DNAJB14: variants seen among roughly 807,000 people sequenced by gnomAD.
DNAJB14 encodes the protein DnaJ heat shock protein family (Hsp40) member B14, also known as dnaJ homolog subfamily B member 14.
DNAJB14 carries 22 observed loss-of-function variants against 48.4 expected under a neutral mutation model. The observed-to-expected ratio is 0.45, with a 90% confidence interval of 0.32 to 0.65. The LOEUF (loss-of-function observed/expected upper bound fraction) is 0.65, where lower values mean the gene tolerates loss of function less well. Ranked by LOEUF, DNAJB14 falls within the 30% of genes least tolerant of loss-of-function variation. DNAJB14 has a pLI of 0.03. For synonymous variants in DNAJB14, 142 were observed against 158.7 expected (o/e 0.89, Z 0.79); for missense variants, 319 against 458.8 (o/e 0.70, Z 2.78).
In DNAJB14 at chr4:99,900,919, C is replaced by CAG; in HGVS notation, c.*107_*108dup. On this transcript the variant is annotated 3_prime_UTR_variant, in exon 8 of 8. Coordinates refer to ENST00000442697, the MANE Select transcript of DNAJB14 (RefSeq NM_001031723.4). ...TCCAAGATTTCAGGAACCAACTATT[C>CAG]AGTTTAGTTTTCAGTATCAAATCTT... 2.5e-6 allele frequency: 3 copies of CAG among 1,214,142 alleles called. No homozygotes were observed. The highest frequency in any genetic ancestry group is 3.4e-6 in the Non-Finnish European group (3 of 892,614). 75.2% of individuals were successfully genotyped at this position (1,214,142 alleles called of 1,614,324 possible).
chr4:99,911,877 C>G (rs552426261), intron 3 of DNAJB14, among the ~76,000 whole-genome samples: 1 of 151,474 alleles, frequency 6.6e-6, no homozygotes, highest in East Asian at 1.9e-4. Context: ...GCAGAGCAAG[C>G]TTAAAAAATC....
At chr4:99,939,104 G>A (rs1726795986) in intron 1 of DNAJB14, among the ~76,000 whole-genome samples, 1 of 152,236 alleles carries the variant, frequency 6.6e-6, no homozygotes, top group South Asian at 2.1e-4. Flanking sequence ...GCTCACGCCT[G>A]TAATCCCAGC....
chr4:99,909,916 G>A lies in DNAJB14; in HGVS notation c.452-1020C>T, dbSNP rs182434069. Among the ~76,000 whole-genome samples the A allele has an allele frequency of 1.9e-4, 29 of 152,004 alleles. 1 individual carries two copies. Among genetic ancestry groups the A allele is most frequent in the Admixed American group, 1.6e-3 (25 of 15,258 alleles). On this transcript the variant is annotated intron_variant, in intron 3 of 7. Transcript: ENST00000442697. ...TCTAAAACTAAGAACTATCCTATTC[G>A]TACTCTGACACTTCTAATAGTTAAT...
At chr4:99,904,759 TTTG>T (rs1382381840) in intron 6 of DNAJB14, among the ~76,000 whole-genome samples, 3 of 152,044 alleles carry the variant, frequency 2.0e-5, no homozygotes, top group Admixed American at 2.0e-4. Flanking sequence ...ATCTCAATTT[TTTG>T]TTAATAAAAA....
chr4:99,941,913 T>C lies in DNAJB14; in HGVS notation c.133+4526A>G, dbSNP rs955749470. Among the ~76,000 whole-genome samples the C allele has an allele frequency of 2.6e-5, 4 of 152,260 alleles. No individual in the cohort carries two copies. The East Asian group carries it at 7.7e-4, about 29-fold the overall frequency. On this transcript the variant is annotated intron_variant, in intron 1 of 7. Transcript: ENST00000442697. ...AACACTTCAGTTGGTGCTATAGAAATAATTGTTTTGAATGTATAATTTGTA... is the reference window on the plus strand; with the variant it reads ...AACACTTCAGTTGGTGCTATAGAAACAATTGTTTTGAATGTATAATTTGTA...
At position 99,897,201 on chromosome 4, in the gene DNAJB14, A is replaced by AATATATAT. The variant is rs1553944896; in HGVS notation, c.*3819_*3826dup. The AATATATAT allele has an allele frequency of 9.7e-5, 13 of 133,848 alleles. No individual in the cohort carries two copies. The highest frequency in any genetic ancestry group is 3.4e-4 in the African/African-American group (12 of 35,294). 8.3% of individuals were successfully genotyped at this position (133,848 alleles called of 1,614,324 possible). ...TAATTAGCTGGGAAAAAAAAAAAAA[A>AATATATAT]ATATATATATATATATATACACCTA... On this transcript the variant is annotated 3_prime_UTR_variant, in exon 8 of 8. Transcript: ENST00000442697.
chr4:99,923,834 C>A (rs576044081), intron 2 of DNAJB14: 1 of 984,248 alleles, frequency 1.0e-6, no homozygotes, highest in Non-Finnish European at 1.2e-6. Flanking sequence ...CCACTGCACC[C>A]GGCCATCCCC....
chr4:99,930,512 G>A lies in DNAJB14; in HGVS notation c.243C>T (p.Ser81=). 6.2e-7 allele frequency: 1 copy of A among 1,612,382 alleles called. No individual in the cohort carries two copies. Among genetic ancestry groups the A allele is most frequent in the East Asian group, 2.2e-5 (1 of 44,784 alleles). Residue 81 remains serine, a synonymous_variant, in exon 2 of 8, where the codon AGC becomes AGT. Coordinates refer to ENST00000442697, the MANE Select transcript of DNAJB14 (RefSeq NM_001031723.4). ...DQSKPNCTKD[S]TSGSGEGGKG... ...TTCCACCTTCACCACTACCAGATGT[G>A]CTGTCCTTTGTGCAATTAGGCTTGC...
At chr4:99,933,612 G>A (rs1726562149) in intron 1 of DNAJB14, among the ~76,000 whole-genome samples, 1 of 151,980 alleles carries the variant, frequency 6.6e-6, no homozygotes, top group Non-Finnish European at 1.5e-5. Context: ...TTAAACTATA[G>A]TCTGTATTTA....
intron 3 of DNAJB14, among the ~76,000 whole-genome samples, chr4:99,913,609 T>A (rs1388324091): frequency 1.3e-5 from 2 of 150,972 alleles, no homozygotes; most frequent in Non-Finnish European, 3.0e-5. Context: ...CCACAAAGTA[T>A]ACTGGTCTGT....
At chr4:99,903,578 G>T in intron 7 of DNAJB14, 148 bp downstream of exon 7, 4 of 745,572 alleles carry the variant, frequency 5.4e-6, no homozygotes, top group Non-Finnish European at 6.3e-6. Context: ...TAGGCCACAT[G>T]TATATAAAAC....
intron 1 of DNAJB14, among the ~76,000 whole-genome samples, chr4:99,940,347 C>T (rs1035759167): frequency 6.6e-6 from 1 of 152,106 alleles, no homozygotes; most frequent in Non-Finnish European, 1.5e-5. Flanking sequence ...AATCCCAGCA[C>T]TTTGGGAGGC....
At chr4:99,922,212 T>G (rs1009184015) in intron 3 of DNAJB14, among the ~76,000 whole-genome samples, 4 of 152,318 alleles carry the variant, frequency 2.6e-5, no homozygotes, top group Non-Finnish European at 5.9e-5. Context: ...GGAAACAATC[T>G]TAACGGTATT....
rs1465451104 is a variant in DNAJB14, at chr4:99,908,824, T to A, written c.524A>T (p.Glu175Val). ...RKQYDLTGNE[E>V]QACNHQNNGR... ...ATTGTTTTGGTGGTTACATGCTTGTTCTTCATTGCCCGTGAGGTCATACTG... is the reference window on the plus strand; with the variant it reads ...ATTGTTTTGGTGGTTACATGCTTGTACTTCATTGCCCGTGAGGTCATACTG... Residue 175 changes from glutamate to valine, a missense_variant, in exon 4 of 8, where the codon GAA becomes GTA. Coordinates refer to ENST00000442697, the MANE Select transcript of DNAJB14 (RefSeq NM_001031723.4). The A allele has an allele frequency of 6.2e-7, 1 of 1,611,836 alleles. No individual in the cohort carries two copies. The highest frequency in any genetic ancestry group is 1.3e-5 in the African/African-American group (1 of 74,846).
chr4:99,932,507 T>C (rs1726513189), intron 1 of DNAJB14, among the ~76,000 whole-genome samples: 1 of 152,034 alleles, frequency 6.6e-6, no homozygotes, highest in South Asian at 2.1e-4. Context: ...CAATAGCAAA[T>C]GTTGAGAAGG....
chr4:99,924,005 G>A (rs1221173074), intron 2 of DNAJB14: 1 of 391,318 alleles, frequency 2.6e-6, no homozygotes, highest in Non-Finnish European at 3.5e-6. Context: ...AGATTTAAGA[G>A]ATTTAAGCCT....
intron 3 of DNAJB14, among the ~76,000 whole-genome samples, chr4:99,915,442 A>G (rs937435098): frequency 8.5e-5 from 13 of 152,108 alleles, no homozygotes; most frequent in Non-Finnish European, 5.9e-5. Flanking sequence ...TGGCCAAGTT[A>G]GATCAATATG....
intron 2 of DNAJB14, chr4:99,926,138 T>G (rs1560741666): frequency 6.6e-6 from 1 of 152,264 alleles, no homozygotes; most frequent in Non-Finnish European, 1.5e-5. Context: ...TCCTCAGGAC[T>G]AGGTTTGCTG....
In DNAJB14 at chr4:99,946,553, C is replaced by G. The variant is rs923769634; in HGVS notation, c.19G>C (p.Glu7Gln). MEGNRD[E>Q]AEKCVEIARE... is the part of the protein sequence containing the mutation. ...GCGATCTCGACACATTTCTCAGCCT[C>G]ATCCCTGTTCCCCTCCATAGCTTGC... The change falls in exon 1 of 8, where the codon GAG (glutamate) becomes CAG (glutamine). Residue 7 changes from glutamate to glutamine, a missense_variant. Transcript: ENST00000442697. 2 of 1,613,710 alleles carry G rather than the reference C, an allele frequency of 1.2e-6. No homozygotes were observed. Among genetic ancestry groups the G allele is most frequent in the Non-Finnish European group, 1.7e-6 (2 of 1,179,798 alleles).
Sources: allele counts gnomAD v4.1 joint callset (sites outside exome capture counted in the v4.1 genomes callset), GRCh38; gene constraint gnomAD v4.1.1; transcripts MANE v1.5; gene names NCBI Gene and HGNC (gene_info 2026-07-23, HGNC 2026-07-21).